The following CADPS2 variants were observed in gnomAD, a reference collection of about 807,000 sequenced individuals.
CADPS2 encodes calcium dependent secretion activator 2.
CADPS2 carries 93 observed loss-of-function variants against 172.5 expected under a neutral mutation model. That is an observed-to-expected ratio of 0.54 (90% confidence interval 0.46 to 0.64). CADPS2 has a LOEUF of 0.64. Ranked by LOEUF, CADPS2 falls within the 30% of genes least tolerant of loss-of-function variation. CADPS2 has a pLI of 0.00. For synonymous variants in CADPS2, 546 were observed against 555.2 expected, an observed-to-expected ratio of 0.98 and a Z score of 0.23; for missense variants, 1,420 against 1,565.9, an observed-to-expected ratio of 0.91 and a Z score of 1.57.
intron 19 of CADPS2, among the ~76,000 whole-genome samples, chr7:122,408,715 C>T (rs73216120): frequency 0.013 from 2,001 of 152,276 alleles, 24 homozygotes; most frequent in Middle Eastern, 0.037. Flanking sequence ...GTGTAAGCCA[C>T]GGCACCTGGC....
rs1343204415 is a variant in CADPS2, at chr7:122,490,022, A to G, written c.1852+59T>C. 4.1e-6 allele frequency: 6 copies of G among 1,474,674 alleles called. No individual in the cohort carries two copies. In the Admixed American group the frequency reaches 7.0e-5, roughly 17 times the overall value. The allele number at this position is 1,474,674 out of a possible 1,614,324, so 91.3% of individuals were successfully genotyped here. A position where few individuals can be genotyped will look rare whatever the true frequency, so the allele number is the denominator to read the frequency against. Reference sequence around the variant, plus strand: ...TATAATACTGAATACATTTGCCTCAATTTTATATCTTATTAAGGCTATTAA... The same window carrying G: ...TATAATACTGAATACATTTGCCTCAGTTTTATATCTTATTAAGGCTATTAA... On this transcript the variant is annotated intron_variant, in intron 11 of 29. Transcript: ENST00000449022.
At chr7:122,630,171 C>T (rs909812856) in intron 3 of CADPS2, among the ~76,000 whole-genome samples, 9 of 152,132 alleles carry the variant, frequency 5.9e-5, no homozygotes, top group African/African-American at 1.2e-4. Flanking sequence ...CTGCACAATA[C>T]ACTTTAGTAA....
intron 8 of CADPS2, among the ~76,000 whole-genome samples, chr7:122,536,313 A>C (rs964913566): frequency 5.9e-5 from 9 of 152,096 alleles, no homozygotes; most frequent in African/African-American, 1.9e-4. Flanking sequence ...AAAGATGAAA[A>C]TGACACAGAT....
chr7:122,709,430 GA>G (rs1407021209), intron 2 of CADPS2, among the ~76,000 whole-genome samples: 12 of 151,948 alleles, frequency 7.9e-5, no homozygotes, highest in Admixed American at 3.3e-4. Flanking sequence ...AGGATGTGGA[GA>G]AATAGGAACA....
chr7:122,761,388 G>T (rs1431197953), intron 1 of CADPS2, among the ~76,000 whole-genome samples: 4 of 145,212 alleles, frequency 2.8e-5, no homozygotes. Context: ...GGCCAGAGAT[G>T]CTCACAAAGT....
intron 6 of CADPS2, among the ~76,000 whole-genome samples, chr7:122,608,619 A>G (rs2073900888): frequency 6.6e-6 from 1 of 152,186 alleles, no homozygotes; most frequent in Non-Finnish European, 1.5e-5. Context: ...TTCTCTAATG[A>G]CACACAATTC....
chr7:122,583,057 A>G (rs962278290), intron 6 of CADPS2, among the ~76,000 whole-genome samples: 2 of 151,942 alleles, frequency 1.3e-5, no homozygotes, highest in Non-Finnish European at 2.9e-5. Context: ...GCTGGATAGA[A>G]TAAGACAAAT....
intron 17 of CADPS2, among the ~76,000 whole-genome samples, chr7:122,423,500 C>A (rs1288632404): frequency 6.6e-6 from 1 of 152,110 alleles, no homozygotes; most frequent in Non-Finnish European, 1.5e-5. Flanking sequence ...TTTTTCAGTT[C>A]TTTAGGGTCA....
chr7:122,766,639 C>T lies in CADPS2; in HGVS notation c.340-29571G>A, dbSNP rs187499103. On this transcript the variant is annotated intron_variant, in intron 1 of 29. Coordinates refer to ENST00000449022, the MANE Select transcript of CADPS2 (RefSeq NM_017954.11). ...AGGATAATTTTGAAACGCCATCTTG[C>T]TCACAACTAAGAAAAGGTGTAAGTG... 1.6e-3 allele frequency among the ~76,000 whole-genome samples: 251 copies of T among 152,196 alleles called. 1 individual carries two copies. The highest frequency in any genetic ancestry group is 3.4e-3 in the Middle Eastern group (1 of 294).
At chr7:122,441,360 C>A (rs551107603) in intron 16 of CADPS2, among the ~76,000 whole-genome samples, 152 bp downstream of exon 16, 22 of 152,060 alleles carry the variant, frequency 1.4e-4, no homozygotes, top group Non-Finnish European at 2.9e-4. Context: ...TAGACAGAGT[C>A]TGAATGTAGT....
chr7:122,695,873 T>C (rs1432507368), intron 2 of CADPS2, among the ~76,000 whole-genome samples: 2 of 152,082 alleles, frequency 1.3e-5, no homozygotes, highest in Non-Finnish European at 2.9e-5. Context: ...TGAACAAGGA[T>C]GTGGAGGGAG....
intron 28 of CADPS2, among the ~76,000 whole-genome samples, chr7:122,343,759 C>G (rs772501256): frequency 9.2e-5 from 14 of 152,060 alleles, no homozygotes; most frequent in Non-Finnish European, 1.8e-4. Context: ...CTCAATTTCC[C>G]TCTTCTGTTC....
intron 17 of CADPS2, among the ~76,000 whole-genome samples, chr7:122,428,345 A>G (rs1243410683): frequency 2.6e-5 from 4 of 152,112 alleles, no homozygotes; most frequent in Non-Finnish European, 5.9e-5. Flanking sequence ...AAGTAAAAGA[A>G]AAAGCCAGTA....
Position 122,820,717 on chromosome 7 carries a change from G to A in CADPS2, c.339+65282C>T, listed in dbSNP as rs1163981126. ...TGGGACTACAGGCGCCCGCTACCAC[G>A]CCCGGCTAATTTTTTGTATTTTTAG... On this transcript the variant is annotated intron_variant, in intron 1 of 29. Transcript: ENST00000449022. Among the ~76,000 whole-genome samples, 7 of 133,518 alleles carry A rather than the reference G, an allele frequency of 5.2e-5. 1 individual carries two copies. The highest frequency in any genetic ancestry group is 9.6e-5 in the Non-Finnish European group (6 of 62,770). The allele number at this position is 133,518 out of a possible 152,430, so 87.6% of individuals were successfully genotyped here. A position where few individuals can be genotyped will look rare whatever the true frequency, so the allele number is the denominator to read the frequency against.
At chr7:122,746,447 A>G (rs2092718619) in intron 1 of CADPS2, among the ~76,000 whole-genome samples, 1 of 152,180 alleles carries the variant, frequency 6.6e-6, no homozygotes, top group Non-Finnish European at 1.5e-5. Flanking sequence ...GTACAGACCC[A>G]GTTAGGTCAT....
chr7:122,789,944 C>T (rs139518383), intron 1 of CADPS2, among the ~76,000 whole-genome samples: 3 of 148,844 alleles, frequency 2.0e-5, no homozygotes, highest in East Asian at 3.9e-4. Flanking sequence ...CTTAGAAAAA[C>T]GAACTATAAA....
At chr7:122,846,088 T>G (rs1001236831) in intron 1 of CADPS2, among the ~76,000 whole-genome samples, 2 of 152,230 alleles carry the variant, frequency 1.3e-5, no homozygotes, top group African/African-American at 4.8e-5. Flanking sequence ...AAACATTTAT[T>G]GTAATGCAGG....
intron 15 of CADPS2, among the ~76,000 whole-genome samples, chr7:122,443,986 C>T (rs1586097088): frequency 6.6e-6 from 1 of 152,130 alleles, no homozygotes; most frequent in Middle Eastern, 3.4e-3. Context: ...AAGTCTTCCC[C>T]CCAGATCACA....
intron 1 of CADPS2, among the ~76,000 whole-genome samples, chr7:122,788,383 T>C (rs1176735220): frequency 6.6e-6 from 1 of 152,336 alleles, no homozygotes; most frequent in Non-Finnish European, 1.5e-5. Context: ...AAGGGAGTTC[T>C]GGACATGGCA....
Sources: allele counts gnomAD v4.1 joint callset (sites outside exome capture counted in the v4.1 genomes callset), GRCh38; gene constraint gnomAD v4.1.1; transcripts MANE v1.5; gene names NCBI Gene and HGNC (gene_info 2026-07-23, HGNC 2026-07-21).